ICA1: variants seen among roughly 807,000 people sequenced by gnomAD.
ICA1 encodes 69 kDa islet cell autoantigen.
A neutral mutation model predicts 71.0 loss-of-function variants in ICA1; 40 were observed. The ratio of observed to expected loss-of-function variants is 0.56; its 90% CI spans 0.44 to 0.73. The LOEUF is 0.73. Ranked by LOEUF, ICA1 falls within the 30% of genes least tolerant of loss-of-function variation. The pLI is 0.00. For synonymous variants in ICA1, 207 were observed against 209.5 expected, an observed-to-expected ratio of 0.99 and a Z score of 0.10; for missense variants, 578 against 576.5, an observed-to-expected ratio of 1.00 and a Z score of -0.03.
chr7:8,152,653 CCACCACCACCACCACCA>C (rs1799444718), intron 8 of ICA1, among the ~76,000 whole-genome samples: 6 of 148,722 alleles, frequency 4.0e-5, no homozygotes, highest in Non-Finnish European at 7.5e-5. Context: ...TCCACCACCA[CCACCACCACCACCACCA>C]TTATCTCCTT....
chr7:8,157,043 T>C, intron 8 of ICA1, 73 bp downstream of exon 8: 3 of 1,612,826 alleles, frequency 1.9e-6, no homozygotes, highest in Non-Finnish European at 2.5e-6. Flanking sequence ...CTTTCTGCAA[T>C]GGACTTTGCT....
At position 8,208,304 on chromosome 7, in the gene ICA1, C is replaced by G. The variant is rs62433197; in HGVS notation, c.579+10001G>C. Among the ~76,000 whole-genome samples the G allele has an allele frequency of 9.5e-3, 1,451 of 152,302 alleles. 19 individuals are homozygous for G. Among genetic ancestry groups the G allele is most frequent in the Non-Finnish European group, 0.012 (809 of 68,034 alleles). On this transcript the variant is annotated intron_variant, in intron 6 of 13. Coordinates refer to ENST00000402384, the MANE Select transcript of ICA1 (RefSeq NM_001136020.3). ...ATTCTAACAAAAGCAACTTACAGTA[C>G]TATAACGCTATTGGCATTCGGGAAA...
intron 6 of ICA1, among the ~76,000 whole-genome samples, chr7:8,166,401 C>G (rs1322453131): frequency 1.3e-5 from 2 of 152,098 alleles, no homozygotes; most frequent in Non-Finnish European, 2.9e-5. Context: ...AGAAAGGACT[C>G]CATATTCAAT....
intron 6 of ICA1, among the ~76,000 whole-genome samples, chr7:8,170,666 C>CTGT (rs1262108788): frequency 5.3e-5 from 8 of 151,936 alleles, no homozygotes; most frequent in Non-Finnish European, 1.0e-4. Flanking sequence ...AGCTTGTATA[C>CTGT]TGTGACCTTG....
rs566594720 is a variant in ICA1, at chr7:8,244,005, T to C, written c.-79-8000A>G. ...TGGCCATACTGCCCAAGGTAATTTA[T>C]AGATTCAATGCTATCCCCATATGAC... On this transcript the variant is annotated intron_variant, in intron 1 of 13. Coordinates refer to ENST00000402384, the MANE Select transcript of ICA1 (RefSeq NM_001136020.3). Among the ~76,000 whole-genome samples, 6 of 152,234 alleles carry C rather than the reference T, an allele frequency of 3.9e-5. No homozygotes were observed. In the East Asian group the frequency reaches 9.6e-4, roughly 24 times the overall value.
intron 1 of ICA1, among the ~76,000 whole-genome samples, chr7:8,241,065 C>T (rs1226985068): frequency 1.3e-5 from 2 of 152,126 alleles, no homozygotes; most frequent in Non-Finnish European, 2.9e-5. Context: ...TTACAGAGAA[C>T]ACCACAGAGA....
At chr7:8,181,972 A>C (rs748082520) in intron 6 of ICA1, among the ~76,000 whole-genome samples, 6 of 152,190 alleles carry the variant, frequency 3.9e-5, no homozygotes, top group Non-Finnish European at 8.8e-5. Context: ...TTTATGATCT[A>C]ATTAAAGCTA....
At chr7:8,182,152 C>A (rs1782390440) in intron 6 of ICA1, among the ~76,000 whole-genome samples, 1 of 152,046 alleles carries the variant, frequency 6.6e-6, no homozygotes, top group South Asian at 2.1e-4. Flanking sequence ...CACTTGGCTA[C>A]TAACTATACA....
intron 13 of ICA1, among the ~76,000 whole-genome samples, chr7:8,118,150 T>C (rs922580990): frequency 5.3e-5 from 8 of 152,360 alleles, no homozygotes; most frequent in African/African-American, 1.7e-4. Context: ...ATTATTACAA[T>C]AATACTCACT....
chr7:8,139,056 T>C lies in ICA1; in HGVS notation c.956-9A>G, dbSNP rs775325021. The C allele has an allele frequency of 3.1e-6, 5 of 1,609,570 alleles. No individual in the cohort carries two copies. The highest frequency in any genetic ancestry group is 1.3e-5 in the African/African-American group (1 of 74,976). ...ACTTTTTCCATCTTCAGCTGTAATATAACATGTGCAACTGGTTACCAACAA... is the reference window on the plus strand; with the variant it reads ...ACTTTTTCCATCTTCAGCTGTAATACAACATGTGCAACTGGTTACCAACAA... On this transcript the variant is annotated splice_polypyrimidine_tract_variant and intron_variant, in intron 10 of 13. Coordinates refer to ENST00000402384, the MANE Select transcript of ICA1 (RefSeq NM_001136020.3).
chr7:8,125,892 A>C (rs1788979599), intron 13 of ICA1, among the ~76,000 whole-genome samples: 1 of 151,622 alleles, frequency 6.6e-6, no homozygotes, highest in Non-Finnish European at 1.5e-5. Flanking sequence ...CTCCCAGAAC[A>C]CCTCCCTCCT....
At chr7:8,215,857 C>A (rs535847388) in intron 6 of ICA1, among the ~76,000 whole-genome samples, 36 of 152,336 alleles carry the variant, frequency 2.4e-4, no homozygotes, top group Middle Eastern at 3.4e-3. Context: ...GAGCCACTTG[C>A]AGCTGGATAG....
intron 7 of ICA1, 155 bp from the exon 8 acceptor site, chr7:8,157,369 T>C (rs1802012615): frequency 5.6e-6 from 4 of 717,574 alleles, no homozygotes; most frequent in Admixed American, 3.5e-5. Flanking sequence ...TTACACTCTG[T>C]ATTTCAGCCA....
intron 5 of ICA1, among the ~76,000 whole-genome samples, chr7:8,219,494 G>C (rs1010134834): frequency 2.0e-5 from 3 of 152,214 alleles, no homozygotes; most frequent in Admixed American, 2.0e-4. Flanking sequence ...ATGGTGCAAT[G>C]AACTATTTAA....
Position 8,113,765 on chromosome 7 carries a change from TA to T in ICA1, c.*157del. On this transcript the variant is annotated 3_prime_UTR_variant, in exon 14 of 14. Coordinates refer to ENST00000402384, the MANE Select transcript of ICA1 (RefSeq NM_001136020.3). The surrounding 1 kb of genome is among the most constrained non-coding windows in gnomAD (Gnocchi z 4.2). ...GAAAACCCTTTATACCAAATAAGAG[TA>T]AATAATTATACCAATATAAACAGGG... 1.4e-6 allele frequency: 1 copy of T among 703,142 alleles called. No homozygotes were observed. The highest frequency in any genetic ancestry group is 2.4e-6 in the Non-Finnish European group (1 of 424,590). 43.6% of individuals were successfully genotyped at this position (703,142 alleles called of 1,614,324 possible). A position where few individuals can be genotyped will look rare whatever the true frequency, so the allele number is the denominator to read the frequency against.
At chr7:8,261,629 G>C (rs1344588145) in intron 1 of ICA1, among the ~76,000 whole-genome samples, 1 of 152,172 alleles carries the variant, frequency 6.6e-6, no homozygotes, top group Non-Finnish European at 1.5e-5. Flanking sequence ...AAGAGAAAAA[G>C]CACACACCAG....
chr7:8,231,501 T>C (rs1800266888), intron 3 of ICA1, among the ~76,000 whole-genome samples: 1 of 152,230 alleles, frequency 6.6e-6, no homozygotes, highest in Non-Finnish European at 1.5e-5. Flanking sequence ...CATCACTCTG[T>C]TACCTACTTT....
intron 6 of ICA1, among the ~76,000 whole-genome samples, chr7:8,164,963 G>C (rs193282754): frequency 8.5e-5 from 13 of 152,280 alleles, no homozygotes; most frequent in Non-Finnish European, 8.8e-5. Context: ...TGTAGTCCTA[G>C]CTACTCAGAG....
intron 6 of ICA1, among the ~76,000 whole-genome samples, chr7:8,159,533 G>T (rs1802923580): frequency 6.6e-6 from 1 of 151,988 alleles, no homozygotes; most frequent in African/African-American, 2.4e-5. Context: ...GCAAAACGGT[G>T]AAACCCCATC....
Sources: gnomAD v4.1 joint callset for allele counts (sites outside exome capture counted in the v4.1 genomes callset) on GRCh38, gnomAD v4.1.1 for gene constraint, Gnocchi (gnomAD v3.1) non-coding constraint, MANE v1.5 for transcripts, NCBI Gene and HGNC (gene_info 2026-07-23, HGNC 2026-07-21) for gene names.